SMCO4: variants seen among roughly 807,000 people sequenced by gnomAD.
The protein encoded by SMCO4 is single-pass membrane protein with coiled-coil domains 4, also known as single-pass membrane and coiled-coil domain-containing protein 4.
SMCO4 carries 4 observed loss-of-function variants against 3.6 expected under a neutral mutation model. The observed-to-expected ratio is 1.11, with a 90% CI of 0.54 to 2.53. The LOEUF (loss-of-function observed/expected upper bound fraction) is 2.53. Among genes scored for constraint, SMCO4 ranks in the 30% most tolerant of loss-of-function variants. The pLI is 0.02. For missense variants in SMCO4, 70 were observed against 80.8 expected (o/e 0.87, Z 0.51); for synonymous variants, 36 against 35.3 (o/e 1.02, Z -0.07).
chr11:93,526,670 A>T (rs1949111553), intron 1 of SMCO4, among the ~76,000 whole-genome samples: 4 of 152,168 alleles, frequency 2.6e-5, no homozygotes. Context: ...ACCATTGTAC[A>T]CTCAAAATTC....
At chr11:93,502,347 C>T (rs1163599251) in intron 1 of SMCO4, among the ~76,000 whole-genome samples, 1 of 152,036 alleles carries the variant, frequency 6.6e-6, no homozygotes, top group African/African-American at 2.4e-5. Context: ...TCAAAAACAC[C>T]CAGCAAGTTT....
intron 1 of SMCO4, chr11:93,535,447 G>A (rs1949211559): frequency 3.0e-6 from 4 of 1,335,902 alleles, no homozygotes; most frequent in Admixed American, 3.7e-5. Context: ...TAAGCAGAGG[G>A]AGTCGAGCCA....
At chr11:93,552,341 T>G in the SMCO4 span, among the ~76,000 whole-genome samples, 1 of 151,176 alleles carries the variant, frequency 6.6e-6, no homozygotes, top group Non-Finnish European at 1.5e-5. Flanking sequence ...GGTTTCACCC[T>G]GTTGGCCAGG....
chr11:93,548,664 TG>T, the SMCO4 span, among the ~76,000 whole-genome samples: 1 of 152,248 alleles, frequency 6.6e-6, no homozygotes, highest in South Asian at 2.1e-4. Flanking sequence ...ACTTGAGGTC[TG>T]GTTGTTACCA....
intron 1 of SMCO4, among the ~76,000 whole-genome samples, chr11:93,505,111 A>C (rs1157796436): frequency 6.6e-6 from 1 of 152,262 alleles, no homozygotes; most frequent in Non-Finnish European, 1.5e-5. Flanking sequence ...CAGATGATGC[A>C]GCTGGGCAAA....
At chr11:93,546,198 G>A (rs530334063), upstream of SMCO4, among the ~76,000 whole-genome samples, 9 of 152,342 alleles carry the variant, frequency 5.9e-5, no homozygotes, top group South Asian at 1.4e-3. Context: ...TCTTGCTAGC[G>A]TTTTCTGTTA....
chr11:93,501,879 T>C (rs527596830), intron 1 of SMCO4, among the ~76,000 whole-genome samples: 3 of 151,764 alleles, frequency 2.0e-5, no homozygotes, highest in African/African-American at 7.3e-5. Context: ...TGAACAGCAA[T>C]GGGCCAGATG....
Position 93,543,321 on chromosome 11 carries a change from A to C in SMCO4, c.-199T>G, listed in dbSNP as rs1949289316. The C allele has an allele frequency of 6.7e-6, 1 of 148,786 alleles. No individual in the cohort carries two copies. Among genetic ancestry groups the C allele is most frequent in the Non-Finnish European group, 1.5e-5 (1 of 67,042 alleles). 9.2% of individuals were successfully genotyped at this position (148,786 alleles called of 1,614,324 possible). On this transcript the variant is annotated 5_prime_UTR_variant, in exon 1 of 3. Transcript: ENST00000298966. Reference sequence around the variant, plus strand: ...CGCCGCCGCCACCACTGCCGGGAATACGTGGCAGTGGCCGCCGCCGCTTGC... The same window carrying C: ...CGCCGCCGCCACCACTGCCGGGAATCCGTGGCAGTGGCCGCCGCCGCTTGC...
At chr11:93,546,760 C>G (rs1949318296), upstream of SMCO4, among the ~76,000 whole-genome samples, 2 of 152,032 alleles carry the variant, frequency 1.3e-5, no homozygotes, top group Non-Finnish European at 2.9e-5. Flanking sequence ...TGTAACTTTC[C>G]TATGTGCTGG....
intron 1 of SMCO4, among the ~76,000 whole-genome samples, chr11:93,532,363 T>G (rs890907193): frequency 6.6e-6 from 1 of 152,208 alleles, no homozygotes; most frequent in Non-Finnish European, 1.5e-5. Context: ...GGCAACTGAG[T>G]AAGAAAGACT....
At position 93,531,830 on chromosome 11, in the gene SMCO4, G is replaced by A. The variant is rs146189323; in HGVS notation, c.-154+11446C>T. ...CCTGCCTCCCTTTCTTTTCAAAGTC[G>A]CCCCTCTGCTCCCTGAGATAAATGC... On this transcript the variant is annotated intron_variant, in intron 1 of 2. Coordinates refer to ENST00000298966, the MANE Select transcript of SMCO4 (RefSeq NM_020179.3). 6.9e-3 allele frequency among the ~76,000 whole-genome samples: 1,043 copies of A among 152,260 alleles called. 14 individuals are homozygous for A. Among genetic ancestry groups the A allele is most frequent in the African/African-American group, 0.024 (1,007 of 41,540 alleles).
chr11:93,507,489 A>G (rs193117387), intron 1 of SMCO4, among the ~76,000 whole-genome samples: 13 of 152,362 alleles, frequency 8.5e-5, no homozygotes, highest in African/African-American at 3.1e-4. Context: ...GAGAATGGCA[A>G]TGACATTAAC....
At chr11:93,517,155 G>A (rs906124388) in intron 1 of SMCO4, among the ~76,000 whole-genome samples, 4 of 152,048 alleles carry the variant, frequency 2.6e-5, no homozygotes, top group Non-Finnish European at 4.4e-5. Context: ...AATGCCAGAG[G>A]GCTAACAAAA....
intron 1 of SMCO4, among the ~76,000 whole-genome samples, chr11:93,536,620 G>T (rs1001305063): frequency 6.6e-6 from 1 of 152,166 alleles, no homozygotes; most frequent in Non-Finnish European, 1.5e-5. Context: ...TCAGGACACG[G>T]ATCCAACTGC....
intron 1 of SMCO4, among the ~76,000 whole-genome samples, chr11:93,511,980 T>C (rs894534634): frequency 1.3e-5 from 2 of 152,206 alleles, no homozygotes; most frequent in African/African-American, 4.8e-5. Context: ...CTTATTAATT[T>C]TTCTTAAATG....
upstream of SMCO4, among the ~76,000 whole-genome samples, chr11:93,546,514 G>C (rs748821199): frequency 6.6e-6 from 1 of 152,208 alleles, no homozygotes; most frequent in Middle Eastern, 3.4e-3. Flanking sequence ...CATAGATCAC[G>C]AAACATCAGA....
intron 1 of SMCO4, among the ~76,000 whole-genome samples, chr11:93,510,980 A>T (rs1167528087): frequency 1.3e-5 from 2 of 152,054 alleles, no homozygotes; most frequent in South Asian, 2.1e-4. Context: ...GCACCTGTAT[A>T]CCCAGCTACT....
At chr11:93,493,887 G>A (rs749599976) in intron 2 of SMCO4, among the ~76,000 whole-genome samples, 37 of 151,948 alleles carry the variant, frequency 2.4e-4, no homozygotes, top group Non-Finnish European at 4.3e-4. Flanking sequence ...CAGAAGTCTG[G>A]GGATCTCCTA....
At chr11:93,519,436 A>G (rs937923540) in intron 1 of SMCO4, among the ~76,000 whole-genome samples, 3 of 152,254 alleles carry the variant, frequency 2.0e-5, no homozygotes, top group African/African-American at 7.2e-5. Context: ...CAGGTGTTCA[A>G]TTAGGCAGGA....
Sources: allele counts gnomAD v4.1 joint callset (sites outside exome capture counted in the v4.1 genomes callset), GRCh38; gene constraint gnomAD v4.1.1; transcripts MANE v1.5; gene names NCBI Gene and HGNC (gene_info 2026-07-23, HGNC 2026-07-21).